SLC9B2: variants seen among roughly 807,000 people sequenced by gnomAD.
SLC9B2 encodes sodium/hydrogen exchanger 9B2.
SLC9B2 carries 39 observed loss-of-function variants against 52.2 expected under a neutral mutation model. That is an observed-to-expected ratio of 0.75 (90% CI 0.58 to 0.98). The LOEUF (loss-of-function observed/expected upper bound fraction) is 0.98, where lower values mean the gene tolerates loss of function less well. SLC9B2 is among the 50% of genes least tolerant of loss of function. The pLI, the probability that SLC9B2 is intolerant of heterozygous loss-of-function variation, is 0.00. For missense variants in SLC9B2, 626 were observed against 637.5 expected (o/e 0.98, Z 0.19); for synonymous variants, 214 against 227.0 (o/e 0.94, Z 0.51).
At chr4:103,075,287 TTA>T (rs1747017872) in intron 1 of SLC9B2, among the ~76,000 whole-genome samples, 1 of 152,144 alleles carries the variant, frequency 6.6e-6, no homozygotes, top group African/African-American at 2.4e-5. Flanking sequence ...ATAGCTGGAA[TTA>T]CGGGCGTGCA....
chr4:103,026,715 A>C, intron 11 of SLC9B2, 124 bp from the exon 12 acceptor site: 1 of 790,104 alleles, frequency 1.3e-6, no homozygotes, highest in Non-Finnish European at 2.0e-6. Context: ...AGTTGTAAGC[A>C]TCAGGAGATA....
In SLC9B2 at chr4:103,024,120, TATC is replaced by T. The variant is rs1251366751; in HGVS notation, c.*2247_*2249del. On this transcript the variant is annotated 3_prime_UTR_variant, in exon 12 of 12. Transcript: ENST00000394785. ...CCTGTAGTTCCTGCATAATAGCACT[TATC>T]ATATTGTTTTGCAATGTCTTGTTTA... Among the ~76,000 whole-genome samples the T allele has an allele frequency of 6.6e-6, 1 of 152,196 alleles. No individual in the cohort carries two copies. The highest frequency in any genetic ancestry group is 1.5e-5 in the Non-Finnish European group (1 of 68,032).
At chr4:103,062,825 TG>T (rs1410405755) in intron 3 of SLC9B2, among the ~76,000 whole-genome samples, 1 of 152,184 alleles carries the variant, frequency 6.6e-6, no homozygotes, top group African/African-American at 2.4e-5. Context: ...TTAGCCAGGC[TG>T]GTCTTGAACT....
chr4:103,075,358 T>G (rs1032965480), intron 1 of SLC9B2, among the ~76,000 whole-genome samples: 4 of 152,098 alleles, frequency 2.6e-5, no homozygotes, highest in Non-Finnish European at 5.9e-5. Context: ...CCATGTTGGC[T>G]AGGCTGGTCT....
chr4:103,020,890 A>T (rs1560536631), downstream of SLC9B2, among the ~76,000 whole-genome samples: 3 of 152,152 alleles, frequency 2.0e-5, no homozygotes, highest in South Asian at 6.2e-4. Context: ...GGCTTCCCAC[A>T]GTACTGGGAT....
intron 9 of SLC9B2, among the ~76,000 whole-genome samples, chr4:103,033,261 A>T (rs74531859): frequency 0.016 from 2,383 of 152,062 alleles, 63 homozygotes; most frequent in African/African-American, 0.051. Context: ...GCCAATCAAT[A>T]AAAAAAAGAC....
chr4:103,072,879 A>G (rs1746791214), intron 1 of SLC9B2, among the ~76,000 whole-genome samples: 1 of 152,126 alleles, frequency 6.6e-6, no homozygotes, highest in African/African-American at 2.4e-5. Flanking sequence ...ATTAAGAGGG[A>G]GGTACTTTGG....
chr4:103,046,651 A>ATTTTGTGTGAAGTCTCCGCACATC (rs1744148570), intron 7 of SLC9B2, among the ~76,000 whole-genome samples: 3 of 110,284 alleles, frequency 2.7e-5, no homozygotes, highest in African/African-American at 1.2e-4. Context: ...ACCCACTCAT[A>ATTTTGTGTGAAGTCTCCGCACATC]TTTTGTGTGA....
Position 103,066,592 on chromosome 4 carries a change from C to G in SLC9B2, c.91-85G>C. 3 of 1,294,266 alleles carry G rather than the reference C, an allele frequency of 2.3e-6. No homozygotes were observed. In the South Asian group the frequency reaches 4.7e-5, roughly 20 times the overall value. The allele number at this position is 1,294,266 out of a possible 1,614,324, so 80.2% of individuals were successfully genotyped here. On this transcript the variant is annotated intron_variant, in intron 2 of 11. Transcript: ENST00000394785. ...GGTACTGCATCATCACCTTACAAAT[C>G]AAATTTCTATGACTAGCATCAAGGA...
At chr4:103,038,975 G>T (rs1246284033) in intron 9 of SLC9B2, among the ~76,000 whole-genome samples, 6 of 152,164 alleles carry the variant, frequency 3.9e-5, no homozygotes, top group African/African-American at 1.4e-4. Context: ...AAATATTTTA[G>T]CTTTTCAAAG....
chr4:103,034,181 A>C (rs1013492427), intron 9 of SLC9B2, among the ~76,000 whole-genome samples: 2 of 152,200 alleles, frequency 1.3e-5, no homozygotes, highest in African/African-American at 2.4e-5. Context: ...TCTTCGATAA[A>C]GCTGACAAAA....
chr4:103,075,387 T>C (rs915910358), intron 1 of SLC9B2, among the ~76,000 whole-genome samples: 2 of 152,170 alleles, frequency 1.3e-5, no homozygotes, highest in African/African-American at 4.8e-5. Context: ...TGACCTCAGG[T>C]GATATGCCCA....
At chr4:103,051,319 G>A (rs1217046225) in intron 4 of SLC9B2, among the ~76,000 whole-genome samples, 2 of 152,128 alleles carry the variant, frequency 1.3e-5, no homozygotes, top group Non-Finnish European at 2.9e-5. Flanking sequence ...TTCCCTCCAT[G>A]CTTCTCCAGC....
intron 3 of SLC9B2, among the ~76,000 whole-genome samples, chr4:103,061,094 A>G (rs1167094000): frequency 6.6e-6 from 1 of 152,166 alleles, no homozygotes; most frequent in Non-Finnish European, 1.5e-5. Context: ...CTCAAAATCA[A>G]TCTCAAATTC....
Position 103,049,040 on chromosome 4 carries a change from A to G in SLC9B2, c.586-20T>C, listed in dbSNP as rs1420777271. On this transcript the variant is annotated intron_variant, in intron 5 of 11. Coordinates refer to ENST00000394785, the MANE Select transcript of SLC9B2 (RefSeq NM_178833.7). ...CAGGGCCTGAAATAGAAAAGTAGAC[A>G]TCCTAATATAATCCTCTGAAGATGT... 2 of 1,611,038 alleles carry G rather than the reference A, an allele frequency of 1.2e-6. No homozygotes were observed. Among genetic ancestry groups the G allele is most frequent in the Admixed American group, 1.7e-5 (1 of 59,748 alleles).
intron 10 of SLC9B2, 96 bp downstream of exon 10, chr4:103,031,604 G>A (rs1405401248): frequency 1.2e-6 from 1 of 836,570 alleles, no homozygotes; most frequent in African/African-American, 1.7e-5. Flanking sequence ...CATACCTGCT[G>A]GAGATATTTC....
chr4:103,026,279 T>C lies in SLC9B2; in HGVS notation c.*91A>G. 8.1e-7 allele frequency: 1 copy of C among 1,229,196 alleles called. No individual in the cohort carries two copies. Among genetic ancestry groups the C allele is most frequent in the East Asian group, 2.4e-5 (1 of 42,528 alleles). The allele number at this position is 1,229,196 out of a possible 1,614,324, so 76.1% of individuals were successfully genotyped here. ...CAGCTACACTTTTGGTTCTATTACATTTTAAGCTTAAACATTACATATTTC... is the reference window on the plus strand; with the variant it reads ...CAGCTACACTTTTGGTTCTATTACACTTTAAGCTTAAACATTACATATTTC... On this transcript the variant is annotated 3_prime_UTR_variant, in exon 12 of 12. Transcript: ENST00000394785.
chr4:103,018,589 C>T (rs542696737), downstream of SLC9B2, among the ~76,000 whole-genome samples: 1 of 152,202 alleles, frequency 6.6e-6, no homozygotes, highest in Admixed American at 6.5e-5. Flanking sequence ...GTGTGGCCTC[C>T]CTCAGTGCCA....
At position 103,031,749 on chromosome 4, in the gene SLC9B2, T is replaced by C. The variant is rs745349397; in HGVS notation, c.1206A>G (p.Gly402=). The C allele has an allele frequency of 6.2e-7, 1 of 1,612,888 alleles. No individual in the cohort carries two copies. Among genetic ancestry groups the C allele is most frequent in the African/African-American group, 1.3e-5 (1 of 74,986 alleles). ...CAATAGATACCTCTGCTCCAATTAGTCCAAAAAGAAGGGGCTGAAAAATGT... is the reference window on the plus strand; with the variant it reads ...CAATAGATACCTCTGCTCCAATTAGCCCAAAAAGAAGGGGCTGAAAAATGT... The part of the protein sequence containing the change: ...AWDIFQPLLF[G]LIGAEVSIAS... The change falls in exon 10 of 12, where the codon GGA becomes GGG. Residue 402 remains glycine, a synonymous_variant. Transcript: ENST00000394785.
Sources: gnomAD v4.1 joint callset for allele counts (sites outside exome capture counted in the v4.1 genomes callset) on GRCh38, gnomAD v4.1.1 for gene constraint, MANE v1.5 for transcripts, NCBI Gene and HGNC (gene_info 2026-07-23, HGNC 2026-07-21) for gene names.